CNTNAP4: variants seen among roughly 807,000 people sequenced by gnomAD.
The protein encoded by CNTNAP4 is contactin-associated protein-like 4.
Under a neutral mutation model 148.4 loss-of-function variants are expected in CNTNAP4, and 98 were observed. The observed-to-expected ratio is 0.66, with a 90% CI of 0.56 to 0.78. The LOEUF (loss-of-function observed/expected upper bound fraction) is 0.78, where lower values mean the gene tolerates loss of function less well. CNTNAP4 is among the 30% of genes least tolerant of loss of function. The pLI, the probability that CNTNAP4 is intolerant of heterozygous loss-of-function variation, is 0.00. For missense variants in CNTNAP4, 1,935 were observed against 1,565.6 expected (o/e 1.24, Z -3.98); for synonymous variants, 730 against 565.1 (o/e 1.29, Z -4.14).
chr16:76,550,224 A>G (rs1037965826), intron 21 of CNTNAP4, among the ~76,000 whole-genome samples: 3 of 152,180 alleles, frequency 2.0e-5, no homozygotes, highest in Non-Finnish European at 4.4e-5. Context: ...TTTTCTTCAT[A>G]GTATTATCAG....
At chr16:76,399,297 G>T (rs1246925951) in intron 3 of CNTNAP4, among the ~76,000 whole-genome samples, 1 of 152,094 alleles carries the variant, frequency 6.6e-6, no homozygotes, top group Admixed American at 6.6e-5. Context: ...GTAAAATGAA[G>T]AAAAATTAAG....
chr16:76,345,676 T>C (rs1964843946), intron 2 of CNTNAP4, among the ~76,000 whole-genome samples: 1 of 152,214 alleles, frequency 6.6e-6, no homozygotes, highest in Admixed American at 6.5e-5. Flanking sequence ...AAGTCCTGTC[T>C]TTCTTGATGA....
At chr16:76,405,207 G>A (rs1005844162) in intron 3 of CNTNAP4, among the ~76,000 whole-genome samples, 4 of 152,100 alleles carry the variant, frequency 2.6e-5, no homozygotes, top group Non-Finnish European at 5.9e-5. Flanking sequence ...CTTAACCCTT[G>A]CTATGAAACA....
At chr16:76,531,983 C>T (rs1271554598) in intron 17 of CNTNAP4, among the ~76,000 whole-genome samples, 1 of 152,134 alleles carries the variant, frequency 6.6e-6, no homozygotes, top group Non-Finnish European at 1.5e-5. Context: ...CATGTATATA[C>T]ATTTATTTTC....
intron 3 of CNTNAP4, among the ~76,000 whole-genome samples, chr16:76,395,901 G>A (rs2078186465): frequency 6.6e-6 from 1 of 151,786 alleles, no homozygotes; most frequent in African/African-American, 2.4e-5. Flanking sequence ...GTTAATTTTT[G>A]TATTTTTAGT....
intron 1 of CNTNAP4, among the ~76,000 whole-genome samples, chr16:76,313,823 C>G (rs1481308079): frequency 6.6e-6 from 1 of 151,862 alleles, no homozygotes; most frequent in Non-Finnish European, 1.5e-5. Flanking sequence ...TAATTGCTTA[C>G]CATTAATGAA....
chr16:76,555,680 T>G (rs1362145002), intron 23 of CNTNAP4, among the ~76,000 whole-genome samples: 1 of 152,254 alleles, frequency 6.6e-6, no homozygotes, highest in African/African-American at 2.4e-5. Context: ...TTGGCAAGAT[T>G]TACAGAGTTA....
intron 13 of CNTNAP4, among the ~76,000 whole-genome samples, chr16:76,493,954 A>G (rs955993701): frequency 3.3e-5 from 5 of 152,206 alleles, no homozygotes; most frequent in African/African-American, 1.2e-4. Context: ...AGTAGGGCTA[A>G]TGGTGACAAC....
chr16:76,459,743 C>A (rs1478198218), intron 8 of CNTNAP4, among the ~76,000 whole-genome samples: 2 of 152,196 alleles, frequency 1.3e-5, no homozygotes, highest in Admixed American at 1.3e-4. Context: ...ATTTGATCTG[C>A]AGAATCACAC....
At position 76,409,529 on chromosome 16, in the gene CNTNAP4, A is replaced by T. The variant is rs553840191; in HGVS notation, c.391-17923A>T. On this transcript the variant is annotated intron_variant, in intron 3 of 23. Transcript: ENST00000611870. ...GAACTTCTGGTTGCTGCATGGTACTATAATTACACTGGCTGAAGTATAATT... is the reference window on the plus strand; with the variant it reads ...GAACTTCTGGTTGCTGCATGGTACTTTAATTACACTGGCTGAAGTATAATT... Among the ~76,000 whole-genome samples, 3 of 152,178 alleles carry T rather than the reference A, an allele frequency of 2.0e-5. No individual in the cohort carries two copies. The East Asian group carries it at 5.8e-4, about 29-fold the overall frequency.
rs1447894741 is a variant in CNTNAP4 at position 76,559,290 on chromosome 16, T to C, written c.*607T>C. The C allele has an allele frequency of 6.6e-6, 1 of 152,232 alleles. No homozygotes were observed. Among genetic ancestry groups the C allele is most frequent in the Non-Finnish European group, 1.5e-5 (1 of 68,038 alleles). 9.4% of individuals were successfully genotyped at this position (152,232 alleles called of 1,614,324 possible). ...TGCTCATTATTCTATTTGTCTCTTC[T>C]TAATAATGTTGAATACATTTGGTTT... On this transcript the variant is annotated 3_prime_UTR_variant, in exon 24 of 24. Coordinates refer to ENST00000611870, the MANE Select transcript of CNTNAP4 (RefSeq NM_033401.5).
chr16:76,478,765 G>A (rs1459724683), intron 11 of CNTNAP4, among the ~76,000 whole-genome samples: 3 of 152,040 alleles, frequency 2.0e-5, no homozygotes, highest in African/African-American at 7.2e-5. Context: ...TGAAGGCATA[G>A]TTCATACAAG....
intron 3 of CNTNAP4, among the ~76,000 whole-genome samples, chr16:76,378,495 C>T (rs1171235507): frequency 6.6e-6 from 1 of 152,060 alleles, no homozygotes. Flanking sequence ...TGTATAAGAC[C>T]AGGATTTGTA....
chr16:76,311,733 AT>A (rs1190240374), intron 1 of CNTNAP4, among the ~76,000 whole-genome samples: 2 of 152,124 alleles, frequency 1.3e-5, no homozygotes, highest in African/African-American at 4.8e-5. Flanking sequence ...ACCCAGCTGC[AT>A]TTTTAATTGT....
chr16:76,419,056 C>T (rs190866060), intron 3 of CNTNAP4, among the ~76,000 whole-genome samples: 1 of 152,062 alleles, frequency 6.6e-6, no homozygotes, highest in East Asian at 1.9e-4. Context: ...GTAAGAGGAG[C>T]AATGTTCTGT....
chr16:76,354,902 T>C (rs2012373409), intron 2 of CNTNAP4, among the ~76,000 whole-genome samples: 1 of 152,216 alleles, frequency 6.6e-6, no homozygotes. Context: ...AGATTTTTAG[T>C]TCCACCACAG....
chr16:76,433,405 T>C (rs1331599206), intron 4 of CNTNAP4, among the ~76,000 whole-genome samples: 1 of 152,194 alleles, frequency 6.6e-6, no homozygotes, highest in Non-Finnish European at 1.5e-5. Context: ...TCATATTTAA[T>C]AAATTAAACA....
chr16:76,283,582 C>T lies in CNTNAP4; in HGVS notation c.85+5835C>T, dbSNP rs151312513. Among the ~76,000 whole-genome samples the T allele has an allele frequency of 3.5e-3, 533 of 152,134 alleles. 1 individual carries two copies. Among genetic ancestry groups the T allele is most frequent in the African/African-American group, 0.012 (513 of 41,536 alleles). ...AACAGAAAACCAAATACTGCATGTTCTCACTTATAAGTGGGAGCTAAATGA... is the reference window on the plus strand; with the variant it reads ...AACAGAAAACCAAATACTGCATGTTTTCACTTATAAGTGGGAGCTAAATGA... On this transcript the variant is annotated intron_variant, in intron 1 of 23. Coordinates refer to ENST00000611870, the MANE Select transcript of CNTNAP4 (RefSeq NM_033401.5).
At chr16:76,503,003 T>G (rs1292339923) in intron 15 of CNTNAP4, among the ~76,000 whole-genome samples, 1 of 152,196 alleles carries the variant, frequency 6.6e-6, no homozygotes, top group African/African-American at 2.4e-5. Flanking sequence ...TTATGTTGTC[T>G]TTTTTCAAAG....
Sources: gnomAD v4.1 joint callset for allele counts (sites outside exome capture counted in the v4.1 genomes callset) on GRCh38, gnomAD v4.1.1 for gene constraint, MANE v1.5 for transcripts, NCBI Gene and HGNC (gene_info 2026-07-23, HGNC 2026-07-21) for gene names.